The following ARHGAP8 variants were observed in gnomAD, a reference collection of about 807,000 sequenced individuals.
The protein encoded by ARHGAP8 is Rho GTPase activating protein 8.
ARHGAP8 carries 62 observed loss-of-function variants against 46.1 expected under a neutral mutation model. The observed-to-expected ratio is 1.34, with a 90% CI of 1.10 to 1.66. The LOEUF is 1.66. Ranked by LOEUF, ARHGAP8 falls within the 40% of genes most tolerant of loss-of-function variation. The pLI is 0.00. For missense variants in ARHGAP8, 923 were observed against 568.4 expected (o/e 1.62, Z -6.34); for synonymous variants, 375 against 243.1 (o/e 1.54, Z -5.05).
intron 1 of ARHGAP8, among the ~76,000 whole-genome samples, chr22:44,765,041 A>G (rs925751852): frequency 2.0e-5 from 3 of 152,196 alleles, no homozygotes; most frequent in African/African-American, 7.2e-5. Context: ...TGTTTGGATG[A>G]TGCAGAGGCT....
At chr22:44,838,426 G>C (rs968455569) in intron 7 of ARHGAP8, among the ~76,000 whole-genome samples, 1 of 151,686 alleles carries the variant, frequency 6.6e-6, no homozygotes, top group Admixed American at 6.6e-5. Flanking sequence ...GTGAGCCACC[G>C]TACCCGGCCT....
intron 10 of ARHGAP8, among the ~76,000 whole-genome samples, chr22:44,858,216 C>G (rs1285643990): frequency 6.6e-6 from 1 of 152,176 alleles, no homozygotes; most frequent in Non-Finnish European, 1.5e-5. Flanking sequence ...ACCAGCAACT[C>G]TGTGCAAGGC....
intron 7 of ARHGAP8, among the ~76,000 whole-genome samples, chr22:44,829,118 C>CAAAAAAAAAAAAA (rs57906111): frequency 2.0e-5 from 1 of 49,374 alleles, no homozygotes. Flanking sequence ...ACTAAAAATA[C>CAAAAAAAAAAAAA]AAAAAAAAAA....
chr22:44,775,452 T>A, intron 1 of ARHGAP8, among the ~76,000 whole-genome samples: 1 of 33,424 alleles, frequency 3.0e-5, no homozygotes. Context: ...TAATTCTTTC[T>A]CTTTTTTTTT....
At chr22:44,786,390 A>G in intron 1 of ARHGAP8, 67 bp from the exon 2 acceptor site, 1 of 1,524,742 alleles carries the variant, frequency 6.6e-7, no homozygotes, top group Non-Finnish European at 8.8e-7. Flanking sequence ...GAAAGGCATC[A>G]GGAGGCTCCC....
At position 44,783,979 on chromosome 22, in the gene ARHGAP8, G is replaced by A. The variant is rs6007289; in HGVS notation, c.-71-2478G>A. 2.7e-3 allele frequency among the ~76,000 whole-genome samples: 417 copies of A among 152,198 alleles called. 4 individuals carry two copies. Among genetic ancestry groups the A allele is most frequent in the African/African-American group, 9.5e-3 (393 of 41,510 alleles). ...AATTATACTCAACCTCTGCACCCAC[G>A]GGTTCTGTATCCAAGGATGCAACCA... On this transcript the variant is annotated intron_variant, in intron 1 of 11. Coordinates refer to ENST00000356099, the MANE Select transcript of ARHGAP8 (RefSeq NM_181335.3).
At chr22:44,763,881 G>A (rs1244065246) in intron 1 of ARHGAP8, among the ~76,000 whole-genome samples, 2 of 149,810 alleles carry the variant, frequency 1.3e-5, no homozygotes, top group Admixed American at 1.3e-4. Flanking sequence ...CACAATCTCG[G>A]CTTACTGCAA....
chr22:44,778,186 C>T (rs1926564460), intron 1 of ARHGAP8, among the ~76,000 whole-genome samples: 1 of 152,072 alleles, frequency 6.6e-6, no homozygotes, highest in African/African-American at 2.4e-5. Flanking sequence ...CCCCTTCCCA[C>T]CCTTTCCCTC....
chr22:44,857,808 CCTCCT>C, intron 10 of ARHGAP8, among the ~76,000 whole-genome samples: 2 of 152,182 alleles, frequency 1.3e-5, no homozygotes, highest in East Asian at 3.9e-4. Context: ...AGCTCTCTTT[CCTCCT>C]CTCTCTACAC....
chr22:44,833,927 A>G (rs190092247), intron 7 of ARHGAP8, among the ~76,000 whole-genome samples: 19 of 152,152 alleles, frequency 1.2e-4, no homozygotes, highest in Non-Finnish European at 2.1e-4. Flanking sequence ...TAGGTTTTCT[A>G]ATTAGTTGGC....
At chr22:44,816,040 A>G (rs1317405904) in intron 5 of ARHGAP8, among the ~76,000 whole-genome samples, 1 of 152,110 alleles carries the variant, frequency 6.6e-6, no homozygotes, top group East Asian at 1.9e-4. Flanking sequence ...GGGCCTCCCT[A>G]GGATGAAGCC....
chr22:44,790,240 T>C (rs1411105827), intron 2 of ARHGAP8, among the ~76,000 whole-genome samples: 1 of 152,066 alleles, frequency 6.6e-6, no homozygotes, highest in Admixed American at 6.6e-5. Context: ...GGCAGTGGGA[T>C]GCAGAGGAGG....
intron 5 of ARHGAP8, among the ~76,000 whole-genome samples, chr22:44,821,141 G>T (rs5765034): frequency 0.12 from 18,537 of 152,180 alleles, 1,486 homozygotes; most frequent in East Asian, 0.33. Flanking sequence ...ATTAATAGTT[G>T]TATATCTTGG....
At chr22:44,800,571 CCG>C (rs1267971782) in intron 2 of ARHGAP8, among the ~76,000 whole-genome samples, 18 of 139,444 alleles carry the variant, frequency 1.3e-4, no homozygotes, top group African/African-American at 4.4e-4. Flanking sequence ...GCGCCCCTCC[CCG>C]CAGCTGTCCA....
intron 7 of ARHGAP8, among the ~76,000 whole-genome samples, chr22:44,828,153 C>T (rs1221946202): frequency 6.6e-6 from 1 of 152,228 alleles, no homozygotes; most frequent in Non-Finnish European, 1.5e-5. Context: ...TTTGTAAGCA[C>T]TTTGCCAATA....
chr22:44,837,255 C>A (rs959327187), intron 7 of ARHGAP8, among the ~76,000 whole-genome samples: 2 of 152,178 alleles, frequency 1.3e-5, no homozygotes, highest in African/African-American at 4.8e-5. Context: ...AGAGAAAAAA[C>A]ATGCTCTGAA....
At position 44,860,419 on chromosome 22, in the gene ARHGAP8, C is replaced by G. The variant is rs571287946; in HGVS notation, c.981+585C>G. 3.7e-4 allele frequency among the ~76,000 whole-genome samples: 56 copies of G among 152,196 alleles called. No individual in the cohort carries two copies. In the South Asian group the frequency reaches 7.3e-3, roughly 20 times the overall value. On this transcript the variant is annotated intron_variant, in intron 11 of 11. Transcript: ENST00000356099. Reference sequence around the variant, plus strand: ...GTCACTCCAGCTATGCCTCCAGCTCCCCCCTGGCCTTTGTCTGTGTGTGTG... The same window carrying G: ...GTCACTCCAGCTATGCCTCCAGCTCGCCCCTGGCCTTTGTCTGTGTGTGTG...
chr22:44,821,162 TG>T (rs1341034089), intron 5 of ARHGAP8, among the ~76,000 whole-genome samples: 2 of 152,220 alleles, frequency 1.3e-5, no homozygotes, highest in African/African-American at 2.4e-5. Context: ...CCAGGCACGG[TG>T]GCTCATGCCT....
In ARHGAP8 at chr22:44,849,283, G is replaced by A. The variant is rs1227389443; in HGVS notation, c.877+223G>A. On this transcript the variant is annotated intron_variant, in intron 10 of 11. Transcript: ENST00000356099. ...AGGCAGAGGAGGTGGGGTCGGTCAG[G>A]GTTGTCCAGGCCGGTCTCTCAGGCA... 3.0e-5 allele frequency: 24 copies of A among 788,614 alleles called. No individual in the cohort carries two copies. In the South Asian group the frequency reaches 4.4e-4, roughly 15 times the overall value. The allele number at this position is 788,614 out of a possible 1,614,324, so 48.9% of individuals were successfully genotyped here. A position where few individuals can be genotyped will look rare whatever the true frequency, so the allele number is the denominator to read the frequency against.
Sources: allele counts gnomAD v4.1 joint callset (sites outside exome capture counted in the v4.1 genomes callset), GRCh38; gene constraint gnomAD v4.1.1; transcripts MANE v1.5; gene names NCBI Gene and HGNC (gene_info 2026-07-23, HGNC 2026-07-21).